SPAST: variants seen among roughly 807,000 people sequenced by gnomAD.
SPAST encodes the protein spastic paraplegia 4 (autosomal dominant; spastin).
In SPAST, 30 loss-of-function variants were observed where a neutral mutation model predicts 76.6. The observed-to-expected ratio is 0.39, with a 90% CI of 0.29 to 0.53. The LOEUF (loss-of-function observed/expected upper bound fraction) is 0.53, where lower values mean the gene tolerates loss of function less well. SPAST is among the 20% of genes least tolerant of loss of function. SPAST has a pLI of 0.68. For synonymous variants in SPAST, 305 were observed against 281.0 expected, an observed-to-expected ratio of 1.09 and a Z score of -0.86; for missense variants, 717 against 770.5, an observed-to-expected ratio of 0.93 and a Z score of 0.82.
At chr2:32,124,468 T>C (rs907071835) in intron 7 of SPAST, among the ~76,000 whole-genome samples, 11 of 152,004 alleles carry the variant, frequency 7.2e-5, no homozygotes, top group African/African-American at 2.4e-4. Flanking sequence ...GGACAGTTTT[T>C]TACAGAACTA....
chr2:32,096,512 C>G (rs192368039), intron 3 of SPAST, among the ~76,000 whole-genome samples: 2 of 151,854 alleles, frequency 1.3e-5, no homozygotes, highest in African/African-American at 4.8e-5. Context: ...GACTCCTCCT[C>G]CAAGAAAAAA....
intron 1 of SPAST, among the ~76,000 whole-genome samples, chr2:32,082,105 G>A (rs1446895180): frequency 7.3e-6 from 1 of 136,724 alleles, no homozygotes; most frequent in Non-Finnish European, 1.5e-5. Flanking sequence ...CGATTCTCCT[G>A]CCTCAGCCTC....
chr2:32,126,010 T>C (rs532414897), intron 7 of SPAST, among the ~76,000 whole-genome samples: 4 of 152,202 alleles, frequency 2.6e-5, no homozygotes, highest in African/African-American at 9.6e-5. Flanking sequence ...TTAGCCAGGA[T>C]GGTCTCGATC....
chr2:32,105,353 C>T (rs1678280795), intron 4 of SPAST, among the ~76,000 whole-genome samples: 2 of 152,112 alleles, frequency 1.3e-5, no homozygotes, highest in South Asian at 2.1e-4. Flanking sequence ...AGCCATTTGT[C>T]TAATCTTTTT....
chr2:32,142,092 C>G, intron 13 of SPAST, 146 bp downstream of exon 13: 2 of 657,142 alleles, frequency 3.0e-6, no homozygotes, highest in Non-Finnish European at 2.6e-6. Context: ...AGCTTACTGT[C>G]AGAGCCAGCA....
At chr2:32,138,285 G>A (rs571004687) in intron 12 of SPAST, among the ~76,000 whole-genome samples, 31 of 152,152 alleles carry the variant, frequency 2.0e-4, no homozygotes, top group Non-Finnish European at 3.8e-4. Flanking sequence ...CAGTACATAC[G>A]CTCCACAACC....
chr2:32,089,218 T>TTTTTTTTTA (rs375850129), intron 2 of SPAST, among the ~76,000 whole-genome samples: 2 of 129,996 alleles, frequency 1.5e-5, no homozygotes, highest in African/African-American at 5.7e-5. Flanking sequence ...TTTTTTTTTT[T>TTTTTTTTTA]AAGTAGAGAC....
intron 9 of SPAST, among the ~76,000 whole-genome samples, chr2:32,133,830 T>C (rs189701673): frequency 6.6e-5 from 10 of 152,282 alleles, no homozygotes; most frequent in African/African-American, 2.4e-4. Context: ...CACTAGAAGA[T>C]GGTCTCCATG....
intron 9 of SPAST, among the ~76,000 whole-genome samples, chr2:32,134,705 A>AT (rs34691831): frequency 6.6e-6 from 1 of 151,892 alleles, no homozygotes; most frequent in Non-Finnish European, 1.5e-5. Context: ...CTAGCTTTTT[A>AT]TTTTTTTGGG....
chr2:32,120,355 A>C (rs997766220), intron 7 of SPAST, among the ~76,000 whole-genome samples: 1 of 152,112 alleles, frequency 6.6e-6, no homozygotes, highest in Non-Finnish European at 1.5e-5. Flanking sequence ...TTTCTCACCC[A>C]GGCTGGAGTA....
chr2:32,110,592 C>T (rs1292374495), intron 4 of SPAST, among the ~76,000 whole-genome samples: 7 of 114,896 alleles, frequency 6.1e-5, no homozygotes, highest in Admixed American at 1.8e-4. Context: ...GTGTATATAT[C>T]GTATATACAC....
In SPAST at chr2:32,069,544, G is replaced by T. The variant is rs1573037689; in HGVS notation, c.415+5298G>T. Among the ~76,000 whole-genome samples the T allele has an allele frequency of 2.7e-5, 4 of 148,164 alleles. No homozygotes were observed. The East Asian group carries it at 8.1e-4, about 30-fold the overall frequency. On this transcript the variant is annotated intron_variant, in intron 1 of 16. Transcript: ENST00000315285. ...TGCACTGCCATTCCCTTGGCAACAT[G>T]ACTTATCTTTTTTTTTTTTTTTTCT...
intron 2 of SPAST, among the ~76,000 whole-genome samples, 180 bp from the exon 3 acceptor site, chr2:32,089,342 A>C (rs1457235082): frequency 6.6e-6 from 1 of 151,362 alleles, no homozygotes; most frequent in East Asian, 1.9e-4. Flanking sequence ...TGGCCTAAAG[A>C]TAGTATTTTT....
At chr2:32,142,835 A>T (rs1679764929) in intron 13 of SPAST, among the ~76,000 whole-genome samples, 1 of 152,240 alleles carries the variant, frequency 6.6e-6, no homozygotes, top group South Asian at 2.1e-4. Flanking sequence ...TTGCACATCT[A>T]TAAATGTATT....
At chr2:32,127,119 C>A in intron 8 of SPAST, 97 bp downstream of exon 8, 2 of 858,872 alleles carry the variant, frequency 2.3e-6, no homozygotes, top group Non-Finnish European at 3.9e-6. Context: ...TTATTTACGA[C>A]TTGCTTTTTG....
At chr2:32,120,732 G>A (rs1318345733) in intron 7 of SPAST, among the ~76,000 whole-genome samples, 1 of 151,122 alleles carries the variant, frequency 6.6e-6, no homozygotes, top group Non-Finnish European at 1.5e-5. Flanking sequence ...TCTTTATTAT[G>A]TATCTCCTGT....
intron 16 of SPAST, among the ~76,000 whole-genome samples, chr2:32,147,646 G>GTTTGTTTGTTTGTTTT (rs66499406): frequency 6.6e-5 from 10 of 150,478 alleles, no homozygotes; most frequent in African/African-American, 2.5e-4. Flanking sequence ...TTGTTTGTTT[G>GTTTGTTTGTTTGTTTT]TTTGAGACGG....
intron 4 of SPAST, among the ~76,000 whole-genome samples, chr2:32,103,007 T>G (rs1207533415): frequency 6.6e-6 from 1 of 152,202 alleles, no homozygotes; most frequent in East Asian, 1.9e-4. Flanking sequence ...GATTCCCTCT[T>G]TTTCTATTGA....
rs1678819990 is a variant in SPAST at position 32,116,036 on chromosome 2, T to C, written c.1005-83T>C. 4 of 1,069,688 alleles carry C rather than the reference T, an allele frequency of 3.7e-6. No homozygotes were observed. The Admixed American group carries it at 5.4e-5, about 14-fold the overall frequency. The allele number at this position is 1,069,688 out of a possible 1,614,324, so 66.3% of individuals were successfully genotyped here. On this transcript the variant is annotated intron_variant, in intron 6 of 16. Transcript: ENST00000315285. ...TTTAACAGTTAACATTAAAAATAAC[T>C]ATATGTCATAGGGCTTAGGCTTCAT...
Sources: allele counts gnomAD v4.1 joint callset (sites outside exome capture counted in the v4.1 genomes callset), GRCh38; gene constraint gnomAD v4.1.1; transcripts MANE v1.5; gene names NCBI Gene and HGNC (gene_info 2026-07-23, HGNC 2026-07-21).